The following BAZ1B variants were observed in gnomAD, a reference collection of about 807,000 sequenced individuals.
BAZ1B encodes the protein bromodomain adjacent to zinc finger domain 1B.
BAZ1B carries 22 observed loss-of-function variants against 153.8 expected under a neutral mutation model. The observed-to-expected ratio is 0.14, with a 90% CI of 0.10 to 0.20. The LOEUF (loss-of-function observed/expected upper bound fraction) is 0.20, where lower values mean the gene tolerates loss of function less well. Among genes scored for constraint, BAZ1B ranks in the 10% least tolerant of loss-of-function variants. BAZ1B has a pLI of 1.00. For synonymous variants in BAZ1B, 676 were observed against 633.4 expected, an observed-to-expected ratio of 1.07 and a Z score of -1.01; for missense variants, 1,325 against 1,799.3, an observed-to-expected ratio of 0.74 and a Z score of 4.77.
At chr7:73,469,328 G>C (rs1050858293) in intron 9 of BAZ1B, among the ~76,000 whole-genome samples, 189 bp downstream of exon 9, 1 of 152,100 alleles carries the variant, frequency 6.6e-6, no homozygotes, top group African/African-American at 2.4e-5. Context: ...TTAGAACAAA[G>C]GTGGTAATCA....
chr7:73,521,240 C>G (rs1266420347), intron 1 of BAZ1B, among the ~76,000 whole-genome samples: 2 of 152,028 alleles, frequency 1.3e-5, no homozygotes, highest in Non-Finnish European at 2.9e-5. Context: ...AGCGGGGAAT[C>G]TCATTCCTAG....
At position 73,503,546 on chromosome 7, in the gene BAZ1B, A is replaced by G. The variant is rs543898721; in HGVS notation, c.369+4781T>C. 3.0e-4 allele frequency among the ~76,000 whole-genome samples: 45 copies of G among 151,022 alleles called. 1 individual carries two copies. The South Asian group carries it at 8.6e-3, about 29-fold the overall frequency. On this transcript the variant is annotated intron_variant, in intron 3 of 19. Coordinates refer to ENST00000339594, the MANE Select transcript of BAZ1B (RefSeq NM_032408.4). ...GCACCACCATGCACGGCCAATTTTT[A>G]TTATTTTTTGTAGAAACAGGGTCTC...
intron 3 of BAZ1B, among the ~76,000 whole-genome samples, chr7:73,502,596 C>T (rs1790177177): frequency 6.6e-6 from 1 of 151,314 alleles, no homozygotes; most frequent in South Asian, 2.1e-4. Context: ...TTAGCCAGTG[C>T]CTTTGGACTG....
chr7:73,517,507 T>C (rs1468865656), intron 1 of BAZ1B, among the ~76,000 whole-genome samples: 1 of 148,388 alleles, frequency 6.7e-6, no homozygotes, highest in Non-Finnish European at 1.5e-5. Context: ...AATAAATAAA[T>C]GAATAAGAAA....
At chr7:73,455,908 A>G (rs1238785965) in intron 13 of BAZ1B, among the ~76,000 whole-genome samples, 5 of 152,250 alleles carry the variant, frequency 3.3e-5, no homozygotes, top group East Asian at 1.9e-4. Context: ...TGTGCACAGT[A>G]TAAGTTTCCA....
At chr7:73,498,833 A>G in intron 3 of BAZ1B, 135 bp from the exon 4 acceptor site, 1 of 766,094 alleles carries the variant, frequency 1.3e-6, no homozygotes, top group South Asian at 1.9e-5. Context: ...TCCAAGTACA[A>G]TGAAGTGTTT....
Position 73,463,106 on chromosome 7 carries a change from G to A in BAZ1B, c.3072-7C>T. 1 of 1,596,046 alleles carries A rather than the reference G, an allele frequency of 6.3e-7. No homozygotes were observed. The highest frequency in any genetic ancestry group is 8.5e-7 in the Non-Finnish European group (1 of 1,172,366). On this transcript the variant is annotated splice_polypyrimidine_tract_variant and splice_region_variant and intron_variant, in intron 11 of 19. Coordinates refer to ENST00000339594, the MANE Select transcript of BAZ1B (RefSeq NM_032408.4). ...GTGAATAATGTCCTGGTACCTAGAA[G>A]ATTTGGGACAAGAGAATGGGGAAAG...
At chr7:73,490,759 C>T (rs1789606149) in intron 5 of BAZ1B, among the ~76,000 whole-genome samples, 2 of 151,860 alleles carry the variant, frequency 1.3e-5, no homozygotes, top group Admixed American at 1.3e-4. Flanking sequence ...GCATGTGCCA[C>T]CACGCCCGGC....
intron 6 of BAZ1B, among the ~76,000 whole-genome samples, chr7:73,486,534 G>C (rs1396083940): frequency 1.3e-5 from 2 of 152,126 alleles, no homozygotes; most frequent in Non-Finnish European, 2.9e-5. Context: ...CACCATGTCA[G>C]CCAGGATGGT....
intron 5 of BAZ1B, among the ~76,000 whole-genome samples, chr7:73,491,281 G>A (rs534811826): frequency 2.6e-5 from 4 of 151,924 alleles, no homozygotes; most frequent in East Asian, 2.0e-4. Context: ...ACAAGACTCC[G>A]TCTCAAAAAA....
intron 6 of BAZ1B, among the ~76,000 whole-genome samples, chr7:73,488,913 C>A (rs1437276522): frequency 6.6e-6 from 1 of 152,016 alleles, no homozygotes; most frequent in Non-Finnish European, 1.5e-5. Context: ...TTATACCATA[C>A]CTCATTCCAA....
intron 1 of BAZ1B, 64 bp from the exon 2 acceptor site, chr7:73,510,916 G>A: frequency 7.5e-7 from 1 of 1,340,548 alleles, no homozygotes; most frequent in African/African-American, 1.5e-5. Flanking sequence ...ATACCCATAA[G>A]ATACTTATAT....
At chr7:73,480,858 T>C (rs1348709299) in intron 6 of BAZ1B, among the ~76,000 whole-genome samples, 3 of 152,226 alleles carry the variant, frequency 2.0e-5, no homozygotes, top group Non-Finnish European at 2.9e-5. Context: ...AAAACACCTA[T>C]GCTCTTGTTA....
intron 6 of BAZ1B, among the ~76,000 whole-genome samples, chr7:73,486,501 T>C (rs1254540544): frequency 6.6e-6 from 1 of 152,116 alleles, no homozygotes; most frequent in Non-Finnish European, 1.5e-5. Flanking sequence ...TAATTTTTTG[T>C]ATTTTTAGTA....
intron 7 of BAZ1B, among the ~76,000 whole-genome samples, chr7:73,475,722 C>T (rs1554572655): frequency 6.6e-6 from 1 of 151,878 alleles, no homozygotes; most frequent in African/African-American, 2.4e-5. Context: ...ATCAGGAGTT[C>T]GAAACCAGCC....
At chr7:73,497,522 A>C (rs1426627453) in intron 4 of BAZ1B, among the ~76,000 whole-genome samples, 1 of 151,736 alleles carries the variant, frequency 6.6e-6, no homozygotes, top group African/African-American at 2.4e-5. Context: ...GTAGCAAATG[A>C]TAGACTAGTA....
intron 1 of BAZ1B, among the ~76,000 whole-genome samples, chr7:73,512,501 G>A (rs2115578827): frequency 6.6e-6 from 1 of 152,248 alleles, no homozygotes. Context: ...ATAATACTGA[G>A]ATTCAGAAGA....
At chr7:73,469,130 C>CAAAA (rs57498905) in intron 9 of BAZ1B, among the ~76,000 whole-genome samples, 1 of 76,318 alleles carries the variant, frequency 1.3e-5, no homozygotes, top group African/African-American at 4.5e-5. Context: ...AATTCCGTCT[C>CAAAA]AAAAAAAAAA....
chr7:73,468,523 C>A (rs1554571528), intron 9 of BAZ1B, among the ~76,000 whole-genome samples: 1 of 152,020 alleles, frequency 6.6e-6, no homozygotes, highest in Non-Finnish European at 1.5e-5. Flanking sequence ...TGTTTTATTT[C>A]TTTCTTGAAA....
Sources: allele counts gnomAD v4.1 joint callset (sites outside exome capture counted in the v4.1 genomes callset), GRCh38; gene constraint gnomAD v4.1.1; transcripts MANE v1.5; gene names NCBI Gene and HGNC (gene_info 2026-07-23, HGNC 2026-07-21).